CCDC50: variants seen among roughly 807,000 people sequenced by gnomAD.
CCDC50 encodes the protein coiled-coil domain-containing protein 50.
Under a neutral mutation model 70.2 loss-of-function variants are expected in CCDC50, and 54 were observed. The ratio of observed to expected loss-of-function variants is 0.77; its 90% CI spans 0.62 to 0.96. The LOEUF is 0.96. CCDC50 is among the 50% of genes least tolerant of loss of function. The probability of loss-of-function intolerance (pLI) is 0.00; values close to 1 mark genes in which losing one functional copy is unlikely to be tolerated. For synonymous variants in CCDC50, 216 were observed against 198.8 expected (o/e 1.09, Z -0.73); for missense variants, 558 against 578.7 (o/e 0.96, Z 0.37).
intron 1 of CCDC50, among the ~76,000 whole-genome samples, chr3:191,333,516 T>C (rs1422499325): frequency 6.6e-6 from 1 of 152,186 alleles, no homozygotes. Flanking sequence ...ACTTTCCCTG[T>C]TTTTCAAAAT....
intron 5 of CCDC50, among the ~76,000 whole-genome samples, chr3:191,371,287 G>A (rs899927658): frequency 6.6e-6 from 1 of 152,124 alleles, no homozygotes; most frequent in Non-Finnish European, 1.5e-5. Flanking sequence ...GGTGGCAGTT[G>A]TGGTGATTCT....
chr3:191,385,701 G>T (rs547195), intron 10 of CCDC50, among the ~76,000 whole-genome samples: 1 of 54,194 alleles, frequency 1.8e-5, no homozygotes, highest in South Asian at 7.6e-4. Flanking sequence ...TATTTGTTTT[G>T]GGGGTCTTCT....
intron 1 of CCDC50, chr3:191,330,296 A>C (rs1452786336): frequency 2.2e-5 from 3 of 137,040 alleles, no homozygotes; most frequent in Non-Finnish European, 3.2e-5. Context: ...TTACAAACAA[A>C]ACACACACAC....
At chr3:191,387,860 GAGA>G (rs970445019) in intron 10 of CCDC50, among the ~76,000 whole-genome samples, 1 of 152,084 alleles carries the variant, frequency 6.6e-6, no homozygotes, top group Non-Finnish European at 1.5e-5. Context: ...TAATAAAAGA[GAGA>G]AGAACAGACT....
intron 1 of CCDC50, among the ~76,000 whole-genome samples, chr3:191,341,904 C>G (rs1307523430): frequency 6.6e-6 from 1 of 152,092 alleles, no homozygotes; most frequent in African/African-American, 2.4e-5. Context: ...TAGATTGTTT[C>G]TAGGGGAAGA....
chr3:191,378,038 C>A (rs759774945), intron 6 of CCDC50, among the ~76,000 whole-genome samples: 3 of 152,058 alleles, frequency 2.0e-5, no homozygotes, highest in Non-Finnish European at 2.9e-5. Flanking sequence ...TATATCCTTA[C>A]AAAAATTTTT....
At chr3:191,335,392 C>T (rs1372556615) in intron 1 of CCDC50, among the ~76,000 whole-genome samples, 1 of 152,140 alleles carries the variant, frequency 6.6e-6, no homozygotes, top group Non-Finnish European at 1.5e-5. Context: ...GTGTCCTGTG[C>T]TTCAAAAATG....
At chr3:191,335,776 C>T (rs1373563589) in intron 1 of CCDC50, among the ~76,000 whole-genome samples, 5 of 152,040 alleles carry the variant, frequency 3.3e-5, no homozygotes, top group Admixed American at 1.3e-4. Context: ...TTTTCTTTGT[C>T]GTTTTAGTCA....
In CCDC50 at chr3:191,351,189, T is replaced by C; in HGVS notation, c.50-5899T>C. Among the ~76,000 whole-genome samples, 2 of 142,258 alleles carry C rather than the reference T, an allele frequency of 1.4e-5. 1 individual carries two copies. The allele number at this position is 142,258 out of a possible 152,430, so 93.3% of individuals were successfully genotyped here. A position where few individuals can be genotyped will look rare whatever the true frequency, so the allele number is the denominator to read the frequency against. ...GTAAATGAGCTTTTTAAAATAACAA[T>C]CTGAAATACGTTTTATGAAAAATGC... On this transcript the variant is annotated intron_variant, in intron 1 of 11. Coordinates refer to ENST00000392455, the MANE Select transcript of CCDC50 (RefSeq NM_178335.3).
chr3:191,389,109 TC>T (rs1713596786), intron 10 of CCDC50, among the ~76,000 whole-genome samples: 1 of 152,110 alleles, frequency 6.6e-6, no homozygotes, highest in Admixed American at 6.6e-5. Context: ...TTTCCTTTCT[TC>T]CTTGGCTTTA....
intron 6 of CCDC50, among the ~76,000 whole-genome samples, chr3:191,377,869 C>G (rs944096988): frequency 6.6e-5 from 10 of 152,076 alleles, no homozygotes; most frequent in Non-Finnish European, 1.5e-4. Context: ...CTTGAAAATA[C>G]CACTCACCTG....
chr3:191,380,272 T>G lies in CCDC50; in HGVS notation c.1090T>G (p.Leu364Val). ...CAGAAAACTGCAAGAAGAAGAACTT[T>G]TGGTGAGCAAATTTTAAGGCAAAAG... ...IARKLQEEEL[L>V]ATQVDMRAAQ... Residue 364 changes from leucine to valine, a missense_variant and splice_region_variant, in exon 7 of 12, where the codon TTG (leucine) becomes GTG (valine). Leu to Val is a conservative substitution (Grantham distance 32). Coordinates refer to ENST00000392455, the MANE Select transcript of CCDC50 (RefSeq NM_178335.3). 6.2e-7 allele frequency: 1 copy of G among 1,602,548 alleles called. No homozygotes were observed. The highest frequency in any genetic ancestry group is 8.5e-7 in the Non-Finnish European group (1 of 1,169,890).
At chr3:191,338,372 C>A (rs1243365941) in intron 1 of CCDC50, among the ~76,000 whole-genome samples, 1 of 152,066 alleles carries the variant, frequency 6.6e-6, no homozygotes, top group African/African-American at 2.4e-5. Flanking sequence ...AGATGGGAGT[C>A]CTGACGTAGA....
In CCDC50 at chr3:191,358,263, C is replaced by CT. The variant is rs1712362715; in HGVS notation, c.239+140dup. The CT allele has an allele frequency of 6.1e-6, 7 of 1,140,732 alleles. No individual in the cohort carries two copies. In the Admixed American group the frequency reaches 7.2e-5, roughly 12 times the overall value. 70.7% of individuals were successfully genotyped at this position (1,140,732 alleles called of 1,614,324 possible). A position where few individuals can be genotyped will look rare whatever the true frequency, so the allele number is the denominator to read the frequency against. The stretch of plus-strand genomic sequence containing the variant: ...AGATTACAAATCTTACCCTGGATGT[C>CT]TAACAGTTTTTTTGATTTGAAAATG... On this transcript the variant is annotated intron_variant, in intron 3 of 11. Transcript: ENST00000392455.
At chr3:191,343,138 A>T (rs1711790245) in intron 1 of CCDC50, among the ~76,000 whole-genome samples, 1 of 152,200 alleles carries the variant, frequency 6.6e-6, no homozygotes, top group South Asian at 2.1e-4. Flanking sequence ...GCCAACTGCA[A>T]GAAGTGAGTA....
rs1203712318 is a variant in CCDC50, at chr3:191,361,097, G to C, written c.268G>C (p.Glu90Gln). 6.8e-6 allele frequency: 11 copies of C among 1,613,686 alleles called. No homozygotes were observed. Among genetic ancestry groups the C allele is most frequent in the Non-Finnish European group, 8.5e-6 (10 of 1,179,808 alleles). ...LEQQDCEIAQ[E>Q]IQEKLAIEAE... is the part of the protein sequence containing the mutation. ...ACAACAAGACTGTGAAATTGCTCAG[G>C]AAATTCAGGAGAAGCTGGCTATTGA... Residue 90 changes from glutamate to glutamine, a missense_variant, in exon 4 of 12, where the codon GAA becomes CAA. Transcript: ENST00000392455.
At chr3:191,383,084 T>G (rs1338245668) in intron 10 of CCDC50, among the ~76,000 whole-genome samples, 1 of 152,196 alleles carries the variant, frequency 6.6e-6, no homozygotes, top group African/African-American at 2.4e-5. Flanking sequence ...GATTCTTACC[T>G]CTGCATTCAC....
At chr3:191,341,620 T>G (rs1560155912) in intron 1 of CCDC50, among the ~76,000 whole-genome samples, 1 of 152,206 alleles carries the variant, frequency 6.6e-6, no homozygotes, top group Non-Finnish European at 1.5e-5. Context: ...GGCTTTTCTC[T>G]TCTCAGAGTG....
At chr3:191,341,933 GCTTA>G (rs1485799360) in intron 1 of CCDC50, among the ~76,000 whole-genome samples, 2 of 152,126 alleles carry the variant, frequency 1.3e-5, no homozygotes, top group Admixed American at 6.5e-5. Context: ...TTTTATGTAA[GCTTA>G]CTTTTATTAA....
Sources: allele counts gnomAD v4.1 joint callset (sites outside exome capture counted in the v4.1 genomes callset), GRCh38; gene constraint gnomAD v4.1.1; transcripts MANE v1.5; gene names NCBI Gene and HGNC (gene_info 2026-07-23, HGNC 2026-07-21).